B3GALT1: variants seen among roughly 807,000 people sequenced by gnomAD.
B3GALT1 encodes the protein beta-1,3-galactosyltransferase 1, also known as UDP-Gal:betaGlcNAc beta 1,3-galactosyltransferase, polypeptide 1.
In B3GALT1, 10 loss-of-function variants were observed where a neutral mutation model predicts 23.2. That is an observed-to-expected ratio of 0.43 (90% confidence interval 0.27 to 0.73). The LOEUF (loss-of-function observed/expected upper bound fraction) is 0.73. B3GALT1 is among the 30% of genes least tolerant of loss of function. The pLI is 0.21. For missense variants in B3GALT1, 299 were observed against 405.4 expected, an observed-to-expected ratio of 0.74 and a Z score of 2.25; for synonymous variants, 156 against 141.5, an observed-to-expected ratio of 1.10 and a Z score of -0.73.
At chr2:167,441,060 T>C (rs1049574328) in intron 1 of B3GALT1, among the ~76,000 whole-genome samples, 4 of 152,318 alleles carry the variant, frequency 2.6e-5, no homozygotes, top group African/African-American at 9.6e-5. Context: ...TGTCTAATGA[T>C]CCTCAGGGAC....
chr2:167,596,847 C>T (rs759681449), intron 2 of B3GALT1, among the ~76,000 whole-genome samples: 2 of 152,116 alleles, frequency 1.3e-5, no homozygotes, highest in Non-Finnish European at 2.9e-5. Context: ...ACATAGAAAA[C>T]AGAGTGTGAA....
rs1254659998 is a variant in B3GALT1 at position 167,724,543 on chromosome 2, A to C, written c.-352+77577A>C. 6.6e-5 allele frequency among the ~76,000 whole-genome samples: 10 copies of C among 152,298 alleles called. 1 individual carries two copies. Among genetic ancestry groups the C allele is most frequent in the Non-Finnish European group, 1.3e-4 (9 of 68,030 alleles). ...CTCTCTTAGAAATTATTGAAGACCC[A>C]AAAGAGCTTTTTACTATATGGGTTA... On this transcript the variant is annotated intron_variant, in intron 3 of 4. Coordinates refer to ENST00000392690, the MANE Select transcript of B3GALT1 (RefSeq NM_020981.4).
intron 1 of B3GALT1, among the ~76,000 whole-genome samples, chr2:167,336,681 T>C (rs963983313): frequency 2.6e-5 from 4 of 152,190 alleles, no homozygotes; most frequent in African/African-American, 4.8e-5. Context: ...TCTTAGCTAT[T>C]TATCAGTCTA....
intron 3 of B3GALT1, among the ~76,000 whole-genome samples, chr2:167,750,404 T>C (rs368671509): frequency 2.6e-4 from 39 of 152,308 alleles, no homozygotes; most frequent in African/African-American, 9.1e-4. Context: ...ATTAACAATT[T>C]ATCTCAAGCT....
At chr2:167,303,459 G>A (rs1463735283) in intron 1 of B3GALT1, among the ~76,000 whole-genome samples, 1 of 152,022 alleles carries the variant, frequency 6.6e-6, no homozygotes, top group Non-Finnish European at 1.5e-5. Context: ...TTATTTATGG[G>A]TATGTCTGGG....
At chr2:167,481,137 A>G (rs1351528696) in intron 1 of B3GALT1, among the ~76,000 whole-genome samples, 1 of 152,190 alleles carries the variant, frequency 6.6e-6, no homozygotes, top group Non-Finnish European at 1.5e-5. Flanking sequence ...TAGTTGCTCA[A>G]AGGCCAAAAA....
At chr2:167,316,622 A>G (rs1028014578) in intron 1 of B3GALT1, among the ~76,000 whole-genome samples, 1 of 152,052 alleles carries the variant, frequency 6.6e-6, no homozygotes, top group African/African-American at 2.4e-5. Context: ...TAACATATTG[A>G]AATTGGAAGT....
At chr2:167,504,630 TAACAC>T (rs1699894343) in intron 2 of B3GALT1, among the ~76,000 whole-genome samples, 1 of 151,034 alleles carries the variant, frequency 6.6e-6, no homozygotes, top group African/African-American at 2.4e-5. Flanking sequence ...CTGTGCAACA[TAACAC>T]AGTCATACAC....
intron 1 of B3GALT1, among the ~76,000 whole-genome samples, chr2:167,314,635 T>C (rs1696684095): frequency 6.6e-6 from 1 of 152,188 alleles, no homozygotes; most frequent in African/African-American, 2.4e-5. Flanking sequence ...AGAATTAATA[T>C]TTTGTCTTAG....
At chr2:167,609,242 G>T (rs1042213169) in intron 2 of B3GALT1, among the ~76,000 whole-genome samples, 1 of 152,094 alleles carries the variant, frequency 6.6e-6, no homozygotes, top group Non-Finnish European at 1.5e-5. Flanking sequence ...ATGTTTTCAT[G>T]ACTTAGATTT....
chr2:167,382,969 TAGAA>T (rs1228945940), intron 1 of B3GALT1, among the ~76,000 whole-genome samples: 3 of 152,252 alleles, frequency 2.0e-5, no homozygotes, highest in Admixed American at 6.5e-5. Flanking sequence ...TACAGTAAGA[TAGAA>T]AGAATAAATT....
At chr2:167,563,901 G>GT (rs1684084314) in intron 2 of B3GALT1, among the ~76,000 whole-genome samples, 1 of 2,654 alleles carries the variant, frequency 3.8e-4, no homozygotes, top group African/African-American at 1.5e-3. Flanking sequence ...CCGGCCGGGC[G>GT]GGGCCGATCC....
Position 167,532,854 on chromosome 2 carries a change from CTTTTTTTTTTT to C in B3GALT1, c.-410+42589_-410+42599del, listed in dbSNP as rs1173819982. 7.9e-4 allele frequency among the ~76,000 whole-genome samples: 76 copies of C among 96,450 alleles called. 1 individual carries two copies. Among genetic ancestry groups the C allele is most frequent in the African/African-American group, 3.1e-3 (74 of 23,906 alleles). 63.3% of individuals were successfully genotyped at this position (96,450 alleles called of 152,430 possible). A position where few individuals can be genotyped will look rare whatever the true frequency, so the allele number is the denominator to read the frequency against. ...ATAGAGAAAGACAGTTTTACTGCAT[CTTTTTTTTTTT>C]TTTTTTTTTTTGGGAGACAGAGTTT... is the stretch of plus-strand genomic sequence containing the variant. On this transcript the variant is annotated intron_variant, in intron 2 of 4. Transcript: ENST00000392690.
In B3GALT1 at chr2:167,662,317, C is replaced by A. The variant is rs190955900; in HGVS notation, c.-352+15351C>A. ...TAAGCCATGATTGATTGTGGTTTCT[C>A]ATTTTATTTAAGATTTCTTTTTACA... On this transcript the variant is annotated intron_variant, in intron 3 of 4. Transcript: ENST00000392690. Among the ~76,000 whole-genome samples the A allele has an allele frequency of 4.6e-5, 7 of 152,144 alleles. No homozygotes were observed. In the East Asian group the frequency reaches 1.4e-3, roughly 29 times the overall value.
chr2:167,374,108 T>C (rs1697727991), intron 1 of B3GALT1, among the ~76,000 whole-genome samples: 1 of 152,202 alleles, frequency 6.6e-6, no homozygotes. Context: ...AGTGAGAACA[T>C]GCAGTGTTTG....
Position 167,870,191 on chromosome 2 carries a change from G to T in B3GALT1, c.*171G>T. 1.6e-6 allele frequency: 1 copy of T among 622,792 alleles called. No individual in the cohort carries two copies. The highest frequency in any genetic ancestry group is 2.7e-6 in the Non-Finnish European group (1 of 371,762). The allele number at this position is 622,792 out of a possible 1,614,324, so 38.6% of individuals were successfully genotyped here. On this transcript the variant is annotated 3_prime_UTR_variant, in exon 5 of 5. Transcript: ENST00000392690. ...TACCAATTTATGAATGTTAGACTCT[G>T]GTCATAGAAACAATAAATGAGTTAG...
chr2:167,740,291 C>T (rs1687559643), intron 3 of B3GALT1, among the ~76,000 whole-genome samples: 1 of 151,878 alleles, frequency 6.6e-6, no homozygotes, highest in African/African-American at 2.4e-5. Flanking sequence ...AATTTCATGC[C>T]AGAAAATGAA....
chr2:167,390,716 T>TGTA (rs1212913833), intron 1 of B3GALT1, among the ~76,000 whole-genome samples: 3 of 152,206 alleles, frequency 2.0e-5, no homozygotes, highest in Non-Finnish European at 2.9e-5. Context: ...TCTGCTAGAA[T>TGTA]GTAAGCAAGC....
intron 1 of B3GALT1, among the ~76,000 whole-genome samples, chr2:167,388,260 G>A (rs556503860): frequency 6.6e-6 from 1 of 152,186 alleles, no homozygotes; most frequent in African/African-American, 2.4e-5. Flanking sequence ...ACTTTACCTG[G>A]TAGGATTTAA....
Sources: gnomAD v4.1 joint callset for allele counts (sites outside exome capture counted in the v4.1 genomes callset) on GRCh38, gnomAD v4.1.1 for gene constraint, MANE v1.5 for transcripts, NCBI Gene and HGNC (gene_info 2026-07-23, HGNC 2026-07-21) for gene names.